PHLPP2: variants seen among roughly 807,000 people sequenced by gnomAD.
The protein encoded by PHLPP2 is PH domain and leucine rich repeat protein phosphatase 2.
A neutral mutation model predicts 124.9 loss-of-function variants in PHLPP2; 66 were observed. The ratio of observed to expected loss-of-function variants is 0.53; its 90% confidence interval spans 0.43 to 0.65. The LOEUF (loss-of-function observed/expected upper bound fraction) is 0.65. Ranked by LOEUF, PHLPP2 falls within the 30% of genes least tolerant of loss-of-function variation. The pLI, the probability that PHLPP2 is intolerant of heterozygous loss-of-function variation, is 0.00. For synonymous variants in PHLPP2, 681 were observed against 624.7 expected (o/e 1.09, Z -1.34); for missense variants, 1,685 against 1,600.4 (o/e 1.05, Z -0.90).
At chr16:71,653,094 C>T (rs1368815459) in intron 17 of PHLPP2, 73 bp from the exon 18 acceptor site, 5 of 739,658 alleles carry the variant, frequency 6.8e-6, no homozygotes, top group Non-Finnish European at 1.1e-5. Context: ...GCACGTACAT[C>T]CCTTCTTTTT....
chr16:71,653,534 C>A (rs955591235), intron 17 of PHLPP2, among the ~76,000 whole-genome samples: 17 of 152,156 alleles, frequency 1.1e-4, no homozygotes, highest in South Asian at 2.1e-4. Context: ...TCTTGCATTT[C>A]CCCCATATGC....
At position 71,649,370 on chromosome 16, in the gene PHLPP2, C is replaced by T. The variant is rs1319377406; in HGVS notation, c.3492G>A (p.Lys1164=). 1 of 1,613,976 alleles carries T rather than the reference C, an allele frequency of 6.2e-7. No homozygotes were observed. Among genetic ancestry groups the T allele is most frequent in the South Asian group, 1.1e-5 (1 of 91,074 alleles). Reference sequence around the variant, plus strand: ...AGTGGATGTCTACTTCCACCTCTACCTTGCTGCCATTGGTTATGACCCCCT... The same window carrying T: ...AGTGGATGTCTACTTCCACCTCTACTTTGCTGCCATTGGTTATGACCCCCT... ...PVEGVITNGS[K]VEVEVDIHCC... Residue 1164 remains lysine, a synonymous_variant, in exon 19 of 19, where the codon AAG becomes AAA. Coordinates refer to ENST00000568954, the MANE Select transcript of PHLPP2 (RefSeq NM_015020.3).
At chr16:71,667,445 C>T (rs2044849420) in intron 11 of PHLPP2, 112 bp from the exon 12 acceptor site, 1 of 822,676 alleles carries the variant, frequency 1.2e-6, no homozygotes, top group Non-Finnish European at 1.9e-6. Flanking sequence ...ACATATTCTC[C>T]TAGATTGTAT....
chr16:71,651,914 A>G (rs564490398), intron 18 of PHLPP2, among the ~76,000 whole-genome samples: 2 of 152,368 alleles, frequency 1.3e-5, no homozygotes, highest in African/African-American at 2.4e-5. Context: ...ACCAAAATGT[A>G]AAACACAAAA....
chr16:71,649,934 T>C lies in PHLPP2; in HGVS notation c.2928A>G (p.Gln976=), dbSNP rs2044684440. 6.2e-7 allele frequency: 1 copy of C among 1,614,094 alleles called. No homozygotes were observed. The highest frequency in any genetic ancestry group is 8.5e-7 in the Non-Finnish European group (1 of 1,180,038). ...PHISSTPLTI[Q]DELLILGNKA... The stretch of plus-strand genomic sequence containing the variant: ...TGTTTCCCAGAATCAGCAACTCATC[T>C]TGAATGGTCAGCGGAGTGGAAGATA... Residue 976 remains glutamine, a synonymous_variant, in exon 19 of 19, where the codon CAA becomes CAG. Coordinates refer to ENST00000568954, the MANE Select transcript of PHLPP2 (RefSeq NM_015020.3).
intron 8 of PHLPP2, 187 bp downstream of exon 8, chr16:71,678,568 A>G: frequency 1.8e-6 from 1 of 556,674 alleles, no homozygotes; most frequent in Non-Finnish European, 3.2e-6. Flanking sequence ...TGAGAACGGG[A>G]GGTCAAGACT....
chr16:71,687,828 C>T (rs926979169), intron 4 of PHLPP2, among the ~76,000 whole-genome samples: 1 of 152,176 alleles, frequency 6.6e-6, no homozygotes, highest in South Asian at 2.1e-4. Flanking sequence ...TCTCTTTTCT[C>T]TTCCTCTCTC....
At chr16:71,657,274 T>C (rs1422339325) in intron 15 of PHLPP2, among the ~76,000 whole-genome samples, 2 of 151,766 alleles carry the variant, frequency 1.3e-5, no homozygotes, top group Non-Finnish European at 2.9e-5. Flanking sequence ...GATGGAGTTT[T>C]GTCATGTTGA....
intron 2 of PHLPP2, among the ~76,000 whole-genome samples, chr16:71,705,757 G>A (rs1200770195): frequency 2.6e-5 from 4 of 152,074 alleles, no homozygotes; most frequent in African/African-American, 9.7e-5. Flanking sequence ...TGATCTGCCC[G>A]CCTTGGCCTC....
At chr16:71,664,595 T>C (rs1302421436) in intron 12 of PHLPP2, among the ~76,000 whole-genome samples, 1 of 150,888 alleles carries the variant, frequency 6.6e-6, no homozygotes, top group Non-Finnish European at 1.5e-5. Flanking sequence ...AAAAAAAAAA[T>C]ACAAAAATTA....
At chr16:71,715,111 G>T in intron 1 of PHLPP2, 1 of 316,482 alleles carries the variant, frequency 3.2e-6, no homozygotes, top group East Asian at 7.6e-5. Flanking sequence ...CAGCACTTTG[G>T]GGGGCCAAGG....
chr16:71,667,324 A>G lies in PHLPP2; in HGVS notation c.1638T>C (p.Ser546=). The G allele has an allele frequency of 6.2e-7, 1 of 1,612,208 alleles. No individual in the cohort carries two copies. The highest frequency in any genetic ancestry group is 8.5e-7 in the Non-Finnish European group (1 of 1,178,908). Residue 546 remains serine, a synonymous_variant, in exon 12 of 19, where the codon AGT becomes AGC. Coordinates refer to ENST00000568954, the MANE Select transcript of PHLPP2 (RefSeq NM_015020.3). ...GCATCAGTTTTCTAAGACTCAAGCT[A>G]CTCAGAATTCTAAGGGGGGAGCATA... ...LLTEVPVRIL[S]SLSLRKLMLG... is the part of the protein sequence containing the mutation.
At chr16:71,677,881 A>G (rs1377732291) in intron 8 of PHLPP2, 1 of 152,208 alleles carries the variant, frequency 6.6e-6, no homozygotes, top group East Asian at 1.9e-4. Flanking sequence ...AACTACTAAT[A>G]TACATATAAA....
rs76137040 is a variant in PHLPP2, at chr16:71,690,207, T to C, written c.609+312A>G. On this transcript the variant is annotated intron_variant, in intron 4 of 18. Transcript: ENST00000568954. ...AACCCCGAAAGAATCTATTTGGTGA[T>C]GGATGCTGGCAGCTACTTCTAATTT... Among the ~76,000 whole-genome samples, 117 of 152,310 alleles carry C rather than the reference T, an allele frequency of 7.7e-4. No homozygotes were observed. In the East Asian group the frequency reaches 0.02, roughly 27 times the overall value.
Position 71,658,707 on chromosome 16 carries a change from T to G in PHLPP2, c.2094A>C (p.Ala698=), listed in dbSNP as rs1403220147. 6.2e-7 allele frequency: 1 copy of G among 1,614,078 alleles called. No individual in the cohort carries two copies. Among genetic ancestry groups the G allele is most frequent in the Non-Finnish European group, 8.5e-7 (1 of 1,180,036 alleles). The change falls in exon 14 of 19, where the codon GCA becomes GCC. Residue 698 remains alanine (A), a synonymous_variant. Transcript: ENST00000568954. ...GGAAAATGCTGATGTTGTTGGAGTG[T>G]GCAACAAGGGTGTGCAGCCTTTTAC... The part of the protein sequence containing the change: ...ANCKRLHTLV[A]HSNNISIFPE...
intron 4 of PHLPP2, among the ~76,000 whole-genome samples, chr16:71,685,150 AC>A (rs1383292476): frequency 3.3e-5 from 5 of 152,084 alleles, no homozygotes; most frequent in Non-Finnish European, 7.4e-5. Context: ...ACATAGTGAA[AC>A]CCTGTCTCTA....
chr16:71,686,069 G>C (rs948701715), intron 4 of PHLPP2, among the ~76,000 whole-genome samples: 1 of 152,210 alleles, frequency 6.6e-6, no homozygotes, highest in Non-Finnish European at 1.5e-5. Flanking sequence ...TCGTGCCACT[G>C]CACTCCAGCC....
At chr16:71,658,538 T>G (rs2044760830) in intron 14 of PHLPP2, 115 bp downstream of exon 14, 1 of 1,275,020 alleles carries the variant, frequency 7.8e-7, no homozygotes, top group African/African-American at 1.5e-5. Context: ...ATATTTTTCC[T>G]TATAAGAATA....
At chr16:71,717,371 G>A (rs1271019765) in intron 1 of PHLPP2, among the ~76,000 whole-genome samples, 3 of 152,156 alleles carry the variant, frequency 2.0e-5, no homozygotes, top group African/African-American at 7.2e-5. Context: ...TAGAACTCAG[G>A]AAAACTGATC....
Sources: allele counts gnomAD v4.1 joint callset (sites outside exome capture counted in the v4.1 genomes callset), GRCh38; gene constraint gnomAD v4.1.1; transcripts MANE v1.5; gene names NCBI Gene and HGNC (gene_info 2026-07-23, HGNC 2026-07-21).